Variants in LOXHD1 observed in about 807,000 individuals in gnomAD.
LOXHD1 encodes the protein lipoxygenase homology PLAT domains 1.
Under a neutral mutation model 248.2 loss-of-function variants are expected in LOXHD1, and 205 were observed. The observed-to-expected ratio is 0.83, with a 90% CI of 0.74 to 0.93. The LOEUF is 0.93. LOXHD1 is among the 40% of genes least tolerant of loss of function. LOXHD1 has a pLI of 0.00. For synonymous variants in LOXHD1, 1,113 were observed against 1,162.8 expected (o/e 0.96, Z 0.87); for missense variants, 2,930 against 2,971.6 (o/e 0.99, Z 0.33).
intron 4 of LOXHD1, among the ~76,000 whole-genome samples, chr18:46,632,306 C>T (rs1277937851): frequency 6.6e-6 from 1 of 152,170 alleles, no homozygotes. Context: ...GCTCTACAGT[C>T]TCCTTGTGGG....
chr18:46,641,445 G>T (rs914693407), intron 3 of LOXHD1, among the ~76,000 whole-genome samples: 1 of 152,162 alleles, frequency 6.6e-6, no homozygotes. Context: ...GCAAGACTGC[G>T]GATGCTCTCT....
intron 12 of LOXHD1, among the ~76,000 whole-genome samples, chr18:46,585,581 G>A (rs1412769532): frequency 2.0e-5 from 3 of 152,106 alleles, no homozygotes; most frequent in African/African-American, 7.2e-5. Flanking sequence ...TTCATGAATT[G>A]GAAGACCTAA....
At position 46,557,268 on chromosome 18, in the gene LOXHD1, C is replaced by T; in HGVS notation, c.3350+88G>A. ...ACCCTCCACCGTCACAGCCGGCCCA[C>T]CCCCAGTCTTCTTCCAGGACTACCT... On this transcript the variant is annotated intron_variant, in intron 21 of 40. Transcript: ENST00000642948. 8 of 1,499,610 alleles carry T rather than the reference C, an allele frequency of 5.3e-6. No individual in the cohort carries two copies. In the South Asian group the frequency reaches 8.5e-5, roughly 16 times the overall value. 92.9% of individuals were successfully genotyped at this position (1,499,610 alleles called of 1,614,324 possible).
At position 46,477,320 on chromosome 18, in the gene LOXHD1, G is replaced by A. The variant is rs903422692; in HGVS notation, c.*152C>T. On this transcript the variant is annotated 3_prime_UTR_variant, in exon 41 of 41. Transcript: ENST00000642948. ...TCACTGTAGGTTCAATAAACTGGGG[G>A]TAGGGTGGGGAGCAGGACCCCATGA... 12 of 983,720 alleles carry A rather than the reference G, an allele frequency of 1.2e-5. No individual in the cohort carries two copies. The highest frequency in any genetic ancestry group is 1.9e-5 in the Non-Finnish European group (12 of 633,164). 60.9% of individuals were successfully genotyped at this position (983,720 alleles called of 1,614,324 possible).
chr18:46,546,456 T>C (rs764162306), intron 22 of LOXHD1, among the ~76,000 whole-genome samples: 3 of 151,032 alleles, frequency 2.0e-5, no homozygotes, highest in African/African-American at 4.9e-5. Context: ...TCCATTTCAA[T>C]ACATTCCATT....
At position 46,578,142 on chromosome 18, in the gene LOXHD1, A is replaced by G. The variant is rs113282902; in HGVS notation, c.1810-275T>C. Among the ~76,000 whole-genome samples, 805 of 152,300 alleles carry G rather than the reference A, an allele frequency of 5.3e-3. 7 individuals carry two copies. Among genetic ancestry groups the G allele is most frequent in the African/African-American group, 0.018 (760 of 41,576 alleles). On this transcript the variant is annotated intron_variant, in intron 13 of 40. Transcript: ENST00000642948. ...CAAGTTAAGCTGTTGTCAGTCACCA[A>G]TCATTTATCATGAGCTAATTCCTTG...
At chr18:46,633,098 G>C (rs1410490994) in intron 4 of LOXHD1, among the ~76,000 whole-genome samples, 2 of 152,212 alleles carry the variant, frequency 1.3e-5, no homozygotes, top group Non-Finnish European at 2.9e-5. Context: ...TATGGTCACT[G>C]TTAAAATCAC....
chr18:46,498,681 C>T (rs945683775), intron 37 of LOXHD1, among the ~76,000 whole-genome samples: 1 of 152,180 alleles, frequency 6.6e-6, no homozygotes, highest in Non-Finnish European at 1.5e-5. Flanking sequence ...CATGTTCTCT[C>T]ATCTTTTTAT....
intron 29 of LOXHD1, among the ~76,000 whole-genome samples, chr18:46,527,833 G>C (rs539190339): frequency 3.7e-4 from 56 of 152,322 alleles, no homozygotes; most frequent in African/African-American, 1.2e-3. Context: ...TTTCAGCCCA[G>C]AGGTCTAATT....
intron 4 of LOXHD1, among the ~76,000 whole-genome samples, chr18:46,621,065 G>A (rs374158531): frequency 2.6e-5 from 4 of 152,288 alleles, no homozygotes. Context: ...CCCAAGCCAA[G>A]AGATCAGGAA....
At chr18:46,507,296 G>A (rs2034632915) in intron 36 of LOXHD1, among the ~76,000 whole-genome samples, 1 of 152,198 alleles carries the variant, frequency 6.6e-6, no homozygotes, top group African/African-American at 2.4e-5. Context: ...CAAAAGTGCT[G>A]ACCATACTCC....
intron 29 of LOXHD1, among the ~76,000 whole-genome samples, chr18:46,526,659 G>C (rs2035843866): frequency 6.6e-6 from 1 of 152,222 alleles, no homozygotes; most frequent in South Asian, 2.1e-4. Flanking sequence ...GCAGATCTGG[G>C]ACCCATGGGG....
intron 17 of LOXHD1, among the ~76,000 whole-genome samples, chr18:46,565,669 C>G (rs669421): frequency 6.6e-6 from 1 of 152,164 alleles, no homozygotes; most frequent in Non-Finnish European, 1.5e-5. Flanking sequence ...CTACACACAT[C>G]CTCCTATACA....
At chr18:46,601,623 T>G in intron 7 of LOXHD1, 156 bp from the exon 8 acceptor site, 1 of 993,396 alleles carries the variant, frequency 1.0e-6, no homozygotes, top group East Asian at 2.7e-5. Context: ...TGCCACCTAA[T>G]GTCCCTCTCG....
At chr18:46,563,872 A>G (rs2037581170) in intron 17 of LOXHD1, among the ~76,000 whole-genome samples, 4 of 152,176 alleles carry the variant, frequency 2.6e-5, no homozygotes, top group Admixed American at 2.6e-4. Flanking sequence ...GTGAGTCCAC[A>G]GTGATGAGGC....
chr18:46,649,894 G>A (rs1470487118), intron 1 of LOXHD1, among the ~76,000 whole-genome samples: 2 of 152,134 alleles, frequency 1.3e-5, no homozygotes, highest in Non-Finnish European at 2.9e-5. Context: ...GGAGAGAGAA[G>A]GCAAGAATGC....
chr18:46,551,362 C>T (rs1014237153), intron 21 of LOXHD1, among the ~76,000 whole-genome samples: 2 of 150,486 alleles, frequency 1.3e-5, no homozygotes, highest in African/African-American at 2.5e-5. Context: ...CCTGGCCTCC[C>T]GAAGTGCTGG....
At chr18:46,545,448 GA>G in intron 22 of LOXHD1, 27 bp from the exon 23 acceptor site, 1 of 1,493,532 alleles carries the variant, frequency 6.7e-7, no homozygotes. Context: ...ATAGAGCAAT[GA>G]ATTGTAGACT....
At chr18:46,644,347 A>G (rs2039000894) in intron 2 of LOXHD1, among the ~76,000 whole-genome samples, 1 of 152,206 alleles carries the variant, frequency 6.6e-6, no homozygotes, top group South Asian at 2.1e-4. Context: ...CTTCTGATGA[A>G]AGTTCCAGAA....
Sources: allele counts gnomAD v4.1 joint callset (sites outside exome capture counted in the v4.1 genomes callset), GRCh38; gene constraint gnomAD v4.1.1; transcripts MANE v1.5; gene names NCBI Gene and HGNC (gene_info 2026-07-23, HGNC 2026-07-21).